GLIS3: variants seen among roughly 807,000 people sequenced by gnomAD.
The protein encoded by GLIS3 is GLIS family zinc finger 3.
A neutral mutation model predicts 78.6 loss-of-function variants in GLIS3; 53 were observed. The observed-to-expected ratio is 0.67, with a 90% CI of 0.54 to 0.85. The LOEUF (loss-of-function observed/expected upper bound fraction) is 0.85. Among genes scored for constraint, GLIS3 ranks in the 40% least tolerant of loss-of-function variants. The pLI is 0.00. For synonymous variants in GLIS3, 684 were observed against 509.9 expected (o/e 1.34, Z -4.60); for missense variants, 1,703 against 1,231.1 (o/e 1.38, Z -5.74).
the GLIS3 span, among the ~76,000 whole-genome samples, chr9:4,400,441 T>C: frequency 1.1e-4 from 16 of 152,198 alleles, no homozygotes; most frequent in African/African-American, 3.6e-4. Flanking sequence ...AAGAATGTGA[T>C]TATGAGACAT....
In GLIS3 at chr9:4,285,915, G is replaced by T. The variant is rs374146401; in HGVS notation, c.388+123C>A. 2.8e-5 allele frequency: 33 copies of T among 1,188,314 alleles called. No homozygotes were observed. The African/African-American group carries it at 3.3e-4, about 12-fold the overall frequency. 73.6% of individuals were successfully genotyped at this position (1,188,314 alleles called of 1,614,324 possible). A position where few individuals can be genotyped will look rare whatever the true frequency, so the allele number is the denominator to read the frequency against. On this transcript the variant is annotated intron_variant, in intron 2 of 10. Coordinates refer to ENST00000381971, the MANE Select transcript of GLIS3 (RefSeq NM_001042413.2). The stretch of plus-strand genomic sequence containing the variant: ...CTGAGCAAGCTATATATCATTATGA[G>T]ACCATCATCTTTGACCCTGACACTG...
chr9:4,110,680 T>A (rs7026826), intron 4 of GLIS3, among the ~76,000 whole-genome samples: 34,255 of 151,992 alleles, frequency 0.23, 4,007 homozygotes, highest in Admixed American at 0.29. Context: ...CCTTCCCTAC[T>A]CAGGCTCTGG....
intron 2 of GLIS3, among the ~76,000 whole-genome samples, chr9:4,328,189 C>T (rs778642298): frequency 5.3e-5 from 8 of 152,142 alleles, no homozygotes; most frequent in Non-Finnish European, 7.3e-5. Context: ...CCCCAAGACC[C>T]GAGACTGACT....
chr9:3,845,855 C>A (rs1819006298), intron 9 of GLIS3, among the ~76,000 whole-genome samples: 1 of 152,204 alleles, frequency 6.6e-6, no homozygotes, highest in Non-Finnish European at 1.5e-5. Context: ...AGCAGCATTG[C>A]AGAATGGCTA....
the GLIS3 span, among the ~76,000 whole-genome samples, chr9:4,416,427 CTG>C: frequency 1.1e-4 from 17 of 152,028 alleles, no homozygotes; most frequent in Admixed American, 2.0e-4. Flanking sequence ...ATGTAGTACA[CTG>C]TAATATAAAA....
chr9:4,464,016 C>A, the GLIS3 span, among the ~76,000 whole-genome samples: 16 of 152,116 alleles, frequency 1.1e-4, no homozygotes, highest in Non-Finnish European at 2.2e-4. Context: ...AGAGATGATG[C>A]AATCTAGTGG....
chr9:4,058,987 C>CA (rs111956039), intron 4 of GLIS3, among the ~76,000 whole-genome samples: 2,593 of 130,600 alleles, frequency 0.02, 64 homozygotes, highest in African/African-American at 0.065. Flanking sequence ...ATCTCAAAAA[C>CA]AAAAAAAAAA....
intron 4 of GLIS3, among the ~76,000 whole-genome samples, chr9:4,088,751 C>A (rs1013893971): frequency 6.6e-6 from 1 of 152,178 alleles, no homozygotes; most frequent in African/African-American, 2.4e-5. Context: ...AATTTTAGTG[C>A]CTTTTACTAT....
rs567565436 is a variant in GLIS3 at position 4,185,987 on chromosome 9, TC to T, written c.389-60047del. ...CAAAGTTAAATTGGCAGAGTTTTCT[TC>T]TTTTTTTTAAATTTTATTTTATTAT... On this transcript the variant is annotated intron_variant, in intron 2 of 10. Coordinates refer to ENST00000381971, the MANE Select transcript of GLIS3 (RefSeq NM_001042413.2). Among the ~76,000 whole-genome samples, 32 of 152,000 alleles carry T rather than the reference TC, an allele frequency of 2.1e-4. 1 individual carries two copies. The South Asian group carries it at 6.0e-3, about 29-fold the overall frequency.
intron 4 of GLIS3, chr9:4,305,133 C>CT (rs1345636360): frequency 6.6e-6 from 1 of 152,180 alleles, no homozygotes; most frequent in Admixed American, 6.5e-5. Context: ...GGTGGAATAT[C>CT]TCCCCACTGT....
intron 2 of GLIS3, among the ~76,000 whole-genome samples, chr9:4,129,629 G>T (rs12336355): frequency 0.37 from 55,956 of 152,050 alleles, 10,696 homozygotes; most frequent in South Asian, 0.43. Context: ...AGTTTCCTGA[G>T]GCCTCCCCAG....
chr9:4,032,295 C>G (rs1823905278), intron 4 of GLIS3, among the ~76,000 whole-genome samples: 1 of 152,186 alleles, frequency 6.6e-6, no homozygotes, highest in Admixed American at 6.5e-5. Flanking sequence ...TCCCAAGTTT[C>G]TTAGAATTGG....
chr9:4,068,143 C>G (rs935108383), intron 4 of GLIS3, among the ~76,000 whole-genome samples: 1 of 151,992 alleles, frequency 6.6e-6, no homozygotes, highest in Admixed American at 6.6e-5. Context: ...TTTAAATGTT[C>G]TAATTAAAAT....
At chr9:4,197,979 T>C (rs943113352) in intron 2 of GLIS3, among the ~76,000 whole-genome samples, 1 of 151,618 alleles carries the variant, frequency 6.6e-6, no homozygotes, top group Non-Finnish European at 1.5e-5. Flanking sequence ...CAAAAATATA[T>C]ATGGAAAGAA....
chr9:4,292,720 C>T (rs554322472), intron 1 of GLIS3, among the ~76,000 whole-genome samples: 14 of 152,156 alleles, frequency 9.2e-5, no homozygotes, highest in South Asian at 6.2e-4. Flanking sequence ...TCAAAATTAC[C>T]GAAAATTTTG....
chr9:4,175,722 G>A (rs1396577033), intron 2 of GLIS3, among the ~76,000 whole-genome samples: 5 of 152,160 alleles, frequency 3.3e-5, no homozygotes, highest in African/African-American at 9.7e-5. Flanking sequence ...CCACCATAAC[G>A]CTGGGAGAAG....
At chr9:4,121,292 C>A (rs1414949896) in intron 3 of GLIS3, among the ~76,000 whole-genome samples, 3 of 152,182 alleles carry the variant, frequency 2.0e-5, no homozygotes, top group Non-Finnish European at 4.4e-5. Context: ...ATACTGTCTG[C>A]AATGTGTCTT....
chr9:4,236,184 C>CAAAAAAAAAAAAAAAAAAAAA (rs59839951), intron 2 of GLIS3, among the ~76,000 whole-genome samples: 9 of 84,292 alleles, frequency 1.1e-4, no homozygotes, highest in African/African-American at 1.7e-4. Context: ...GTGGTTGTCA[C>CAAAAAAAAAAAAAAAAAAAAA]AAAAAAAAAA....
intron 2 of GLIS3, among the ~76,000 whole-genome samples, chr9:4,206,339 G>C (rs975481795): frequency 6.6e-6 from 1 of 152,168 alleles, no homozygotes; most frequent in Non-Finnish European, 1.5e-5. Context: ...CTAAAAGACT[G>C]GCTTACACAG....
Sources: allele counts gnomAD v4.1 joint callset (sites outside exome capture counted in the v4.1 genomes callset), GRCh38; gene constraint gnomAD v4.1.1; transcripts MANE v1.5; gene names NCBI Gene and HGNC (gene_info 2026-07-23, HGNC 2026-07-21).